Variants in AUTS2 observed in about 807,000 individuals in gnomAD.
AUTS2 encodes the protein autism susceptibility gene 2 protein.
A neutral mutation model predicts 112.4 loss-of-function variants in AUTS2; 17 were observed. The ratio of observed to expected loss-of-function variants is 0.15; its 90% confidence interval spans 0.10 to 0.23. AUTS2 has a LOEUF of 0.23. Among genes scored for constraint, AUTS2 ranks in the 10% least tolerant of loss-of-function variants. The probability of loss-of-function intolerance (pLI) is 1.00; values close to 1 mark genes in which losing one functional copy is unlikely to be tolerated. For synonymous variants in AUTS2, 751 were observed against 702.7 expected, an observed-to-expected ratio of 1.07 and a Z score of -1.09; for missense variants, 1,510 against 1,701.6, an observed-to-expected ratio of 0.89 and a Z score of 1.98.
chr7:70,123,744 C>A (rs1411078670), intron 3 of AUTS2, among the ~76,000 whole-genome samples: 1 of 152,156 alleles, frequency 6.6e-6, no homozygotes, highest in Non-Finnish European at 1.5e-5. Context: ...TTTATCCAAT[C>A]TGTCATTGAT....
At chr7:69,893,268 A>T (rs955425536) in intron 1 of AUTS2, among the ~76,000 whole-genome samples, 2 of 152,212 alleles carry the variant, frequency 1.3e-5, no homozygotes, top group African/African-American at 4.8e-5. Context: ...GGCTCTGAAA[A>T]TCTGTTCATA....
chr7:69,733,458 T>C (rs1786888651), intron 1 of AUTS2, among the ~76,000 whole-genome samples: 1 of 152,146 alleles, frequency 6.6e-6, no homozygotes, highest in Admixed American at 6.6e-5. Flanking sequence ...GAGTGCCCCC[T>C]CAGACCATTG....
At chr7:70,388,168 A>G (rs1358005635) in intron 4 of AUTS2, among the ~76,000 whole-genome samples, 1 of 152,076 alleles carries the variant, frequency 6.6e-6, no homozygotes, top group Non-Finnish European at 1.5e-5. Context: ...CATCCTTCAA[A>G]TTCTTTCTCT....
At chr7:70,491,430 A>G (rs1296745282) in intron 5 of AUTS2, among the ~76,000 whole-genome samples, 1 of 122,914 alleles carries the variant, frequency 8.1e-6, no homozygotes, top group Non-Finnish European at 1.7e-5. Flanking sequence ...ACACACACAC[A>G]CACACACATA....
chr7:70,771,791 TTC>T, intron 11 of AUTS2, 147 bp downstream of exon 11: 2 of 551,052 alleles, frequency 3.6e-6, no homozygotes, highest in Non-Finnish European at 6.0e-6. Flanking sequence ...GAGCCTATTT[TTC>T]TTTTTTTTCC....
intron 4 of AUTS2, among the ~76,000 whole-genome samples, chr7:70,322,634 G>A (rs189042411): frequency 4.1e-4 from 62 of 152,248 alleles, no homozygotes; most frequent in African/African-American, 1.3e-3. Flanking sequence ...AATGAGAATC[G>A]AGCAAGTGAA....
chr7:70,290,581 G>A (rs766735988), intron 4 of AUTS2: 20 of 1,453,636 alleles, frequency 1.4e-5, no homozygotes, highest in African/African-American at 1.5e-5. Flanking sequence ...ACTACTGTTA[G>A]CGTGACCCCA....
intron 5 of AUTS2, among the ~76,000 whole-genome samples, chr7:70,662,155 A>G (rs1807110530): frequency 6.6e-6 from 1 of 152,238 alleles, no homozygotes; most frequent in African/African-American, 2.4e-5. Flanking sequence ...GTTGGCCCCG[A>G]GTGGGAAGCT....
chr7:69,679,626 GA>G (rs1270216062), intron 1 of AUTS2, among the ~76,000 whole-genome samples: 1 of 152,064 alleles, frequency 6.6e-6, no homozygotes, highest in African/African-American at 2.4e-5. Context: ...TTTAAATAAT[GA>G]AAAAAATACT....
intron 4 of AUTS2, among the ~76,000 whole-genome samples, chr7:70,372,169 CTG>C (rs1792868617): frequency 6.6e-6 from 1 of 152,128 alleles, no homozygotes; most frequent in Non-Finnish European, 1.5e-5. Context: ...AAAATGAAAA[CTG>C]ATATTCCAGA....
At chr7:70,189,863 C>T (rs1809794470) in intron 4 of AUTS2, among the ~76,000 whole-genome samples, 1 of 152,098 alleles carries the variant, frequency 6.6e-6, no homozygotes, top group Non-Finnish European at 1.5e-5. Context: ...ACTTGTTACC[C>T]ATCTAGTGAA....
intron 1 of AUTS2, among the ~76,000 whole-genome samples, chr7:69,672,695 T>G (rs1327226537): frequency 6.6e-6 from 1 of 152,226 alleles, no homozygotes; most frequent in Non-Finnish European, 1.5e-5. Context: ...CTGAAAGGTT[T>G]CCAGTGATAT....
intron 1 of AUTS2, among the ~76,000 whole-genome samples, chr7:69,832,596 C>T (rs1791551421): frequency 6.6e-6 from 1 of 152,222 alleles, no homozygotes; most frequent in Non-Finnish European, 1.5e-5. Flanking sequence ...GAAGTTGACT[C>T]ATGCTGTTCC....
chr7:70,526,933 G>A (rs146628938), intron 5 of AUTS2, among the ~76,000 whole-genome samples: 6 of 152,326 alleles, frequency 3.9e-5, no homozygotes, highest in Non-Finnish European at 8.8e-5. Flanking sequence ...TGCACTCACT[G>A]AATGTTTATT....
At chr7:69,915,979 A>T (rs747741392) in intron 2 of AUTS2, among the ~76,000 whole-genome samples, 1 of 152,210 alleles carries the variant, frequency 6.6e-6, no homozygotes, top group East Asian at 1.9e-4. Flanking sequence ...TTGGCCTCCC[A>T]AAGTGCTGGG....
chr7:70,100,253 A>AT (rs1294459824), intron 2 of AUTS2, among the ~76,000 whole-genome samples: 1 of 152,162 alleles, frequency 6.6e-6, no homozygotes, highest in Non-Finnish European at 1.5e-5. Context: ...ATTCTGGTTT[A>AT]TAACCATCTT....
chr7:70,076,689 C>G (rs1803050650), intron 2 of AUTS2, among the ~76,000 whole-genome samples: 1 of 152,154 alleles, frequency 6.6e-6, no homozygotes, highest in Non-Finnish European at 1.5e-5. Flanking sequence ...ATCACTTACA[C>G]TTTGGGTGAT....
intron 1 of AUTS2, among the ~76,000 whole-genome samples, chr7:69,699,732 CCT>C (rs748465452): frequency 1.3e-5 from 2 of 150,198 alleles, no homozygotes; most frequent in Non-Finnish European, 2.9e-5. Flanking sequence ...GCAACCTCTG[CCT>C]CTCAGGTTCA....
At chr7:70,217,304 C>T (rs1278731803) in intron 4 of AUTS2, among the ~76,000 whole-genome samples, 2 of 152,142 alleles carry the variant, frequency 1.3e-5, no homozygotes, top group East Asian at 1.9e-4. Context: ...TATGCAGTCA[C>T]TCTCAAGGTA....
Sources: allele counts gnomAD v4.1 joint callset (sites outside exome capture counted in the v4.1 genomes callset), GRCh38; gene constraint gnomAD v4.1.1; transcripts MANE v1.5; gene names NCBI Gene and HGNC (gene_info 2026-07-23, HGNC 2026-07-21).